The following ZNF709 variants were observed in gnomAD, a reference collection of about 807,000 sequenced individuals.
ZNF709 encodes the protein zinc finger protein 709.
Under a neutral mutation model 10.6 loss-of-function variants are expected in ZNF709, and 15 were observed. That is an observed-to-expected ratio of 1.41 (90% CI 0.95 to 2.18). The LOEUF is 2.18. ZNF709 is among the 30% of genes most tolerant of loss of function. The pLI is 0.00. For missense variants in ZNF709, 589 were observed against 774.0 expected (o/e 0.76, Z 2.84); for synonymous variants, 194 against 238.8 (o/e 0.81, Z 1.73).
intron 1 of ZNF709, 118 bp downstream of exon 1, chr19:12,484,537 C>T (rs1308047612): frequency 1.4e-6 from 2 of 1,415,262 alleles, no homozygotes; most frequent in Non-Finnish European, 2.0e-6. Context: ...CAGGAGGACT[C>T]GGGTCCACAG....
chr19:12,468,200 T>C (rs965389583), intron 1 of ZNF709, among the ~76,000 whole-genome samples: 4 of 152,160 alleles, frequency 2.6e-5, no homozygotes, highest in East Asian at 1.9e-4. Context: ...GTGTACCCAA[T>C]AGCTCATTGA....
At chr19:12,476,215 G>A (rs542001685) in intron 1 of ZNF709, among the ~76,000 whole-genome samples, 24 of 151,998 alleles carry the variant, frequency 1.6e-4, no homozygotes, top group Non-Finnish European at 2.1e-4. Context: ...AACTAAGTAG[G>A]ACCCCATCTC....
chr19:12,483,539 A>AT (rs1568250311), intron 1 of ZNF709, among the ~76,000 whole-genome samples: 1 of 151,170 alleles, frequency 6.6e-6, no homozygotes, highest in Admixed American at 6.6e-5. Flanking sequence ...ATTTTATTTT[A>AT]TTTTTTTATT....
At position 12,463,006 on chromosome 19, in the gene ZNF709, T is replaced by A. The variant is rs910499415; in HGVS notation, c.*990A>T. Reference sequence around the variant, plus strand: ...GAGATCCATTTTAAGAATCAGTAACTGATAATATGTTTTATCACATTTCTG... The same window carrying A: ...GAGATCCATTTTAAGAATCAGTAACAGATAATATGTTTTATCACATTTCTG... On this transcript the variant is annotated 3_prime_UTR_variant, in exon 4 of 4. Coordinates refer to ENST00000397732, the MANE Select transcript of ZNF709 (RefSeq NM_152601.4). 5.3e-5 allele frequency: 8 copies of A among 152,246 alleles called. No individual in the cohort carries two copies. The highest frequency in any genetic ancestry group is 1.9e-4 in the African/African-American group (8 of 41,472). The allele number at this position is 152,246 out of a possible 1,614,324, so 9.4% of individuals were successfully genotyped here.
rs908699568 is a variant in ZNF709 at position 12,463,887 on chromosome 19, A to T, written c.*109T>A. ...GGTTGCAGTGAGCTGAGATCACTCT[A>T]CTGCACTCCAGCCAGGGCAACAGAG... On this transcript the variant is annotated 3_prime_UTR_variant, in exon 4 of 4. Transcript: ENST00000397732. 2.1e-6 allele frequency: 2 copies of T among 959,292 alleles called. No homozygotes were observed. The highest frequency in any genetic ancestry group is 2.9e-6 in the Non-Finnish European group (2 of 693,288). The allele number at this position is 959,292 out of a possible 1,614,324, so 59.4% of individuals were successfully genotyped here.
chr19:12,472,105 T>G (rs1322283049), intron 1 of ZNF709, among the ~76,000 whole-genome samples: 1 of 151,984 alleles, frequency 6.6e-6, no homozygotes, highest in Non-Finnish European at 1.5e-5. Flanking sequence ...AGGAGGATCA[T>G]ATGAACCCAG....
chr19:12,475,257 T>TAA (rs71166684), intron 1 of ZNF709, among the ~76,000 whole-genome samples: 3,748 of 44,602 alleles, frequency 0.084, 410 homozygotes, highest in African/African-American at 0.16. Context: ...GATTCCGTCT[T>TAA]AAAAAAAAAA....
chr19:12,465,761 A>G, intron 3 of ZNF709, 28 bp from the exon 4 acceptor site: 1 of 1,433,052 alleles, frequency 7.0e-7, no homozygotes. Flanking sequence ...AACAAAACGC[A>G]CAATTAGTGG....
intron 1 of ZNF709, among the ~76,000 whole-genome samples, chr19:12,470,831 G>A (rs1970628624): frequency 6.6e-6 from 1 of 151,744 alleles, no homozygotes; most frequent in Non-Finnish European, 1.5e-5. Flanking sequence ...GGAGGCTGAG[G>A]CAGGAGAATG....
intron 3 of ZNF709, among the ~76,000 whole-genome samples, chr19:12,465,941 CTTT>C (rs67044147): frequency 1.9e-4 from 26 of 136,278 alleles, no homozygotes; most frequent in Admixed American, 3.7e-4. Flanking sequence ...GAGTTTATTT[CTTT>C]TTTTTTTTTT....
Position 12,470,040 on chromosome 19 carries a change from G to A in ZNF709, c.4-3190C>T, listed in dbSNP as rs551111853. 3.3e-5 allele frequency among the ~76,000 whole-genome samples: 5 copies of A among 152,240 alleles called. No individual in the cohort carries two copies. In the East Asian group the frequency reaches 9.6e-4, roughly 29 times the overall value. On this transcript the variant is annotated intron_variant, in intron 1 of 3. Coordinates refer to ENST00000397732, the MANE Select transcript of ZNF709 (RefSeq NM_152601.4). ...GTTCAGCAGTGCTGTCCTCCAAAAG[G>A]ATATGAAATTCCCTTTCTCCAATTT...
In ZNF709 at chr19:12,463,660, G is replaced by T; in HGVS notation, c.*336C>A. ...AAGGAAATGGGGGCCGGGTGTGGTG[G>T]CTCACACCTGTAATCCAACACTTTG... On this transcript the variant is annotated 3_prime_UTR_variant, in exon 4 of 4. Transcript: ENST00000397732. The T allele has an allele frequency of 5.3e-6, 1 of 187,416 alleles. No individual in the cohort carries two copies. Among genetic ancestry groups the T allele is most frequent in the Non-Finnish European group, 1.1e-5 (1 of 91,716 alleles). The allele number at this position is 187,416 out of a possible 1,614,324, so 11.6% of individuals were successfully genotyped here.
chr19:12,472,521 CAAAAAAAAAAA>C (rs34678727), intron 1 of ZNF709, among the ~76,000 whole-genome samples: 1 of 84,694 alleles, frequency 1.2e-5, no homozygotes, highest in African/African-American at 5.1e-5. Context: ...GACTCCATCT[CAAAAAAAAAAA>C]AAAAAAAGGA....
chr19:12,483,544 T>A (rs1162252521), intron 1 of ZNF709, among the ~76,000 whole-genome samples: 1 of 151,978 alleles, frequency 6.6e-6, no homozygotes, highest in African/African-American at 2.4e-5. Flanking sequence ...ATTTTATTTT[T>A]TTATTTTTTT....
chr19:12,473,801 G>C (rs539015045), intron 1 of ZNF709, among the ~76,000 whole-genome samples: 1 of 152,288 alleles, frequency 6.6e-6, no homozygotes, highest in East Asian at 1.9e-4. Context: ...CCAGCACTTT[G>C]GGAGGCCAAG....
chr19:12,482,184 C>CAT (rs59249143), intron 1 of ZNF709, among the ~76,000 whole-genome samples: 4 of 150,716 alleles, frequency 2.7e-5, no homozygotes, highest in Non-Finnish European at 4.4e-5. Context: ...CACACACACA[C>CAT]GCTCCCTCTC....
In ZNF709 at chr19:12,466,527, G is replaced by T. The variant is rs1970572470; in HGVS notation, c.131-8C>A. 1 of 1,613,736 alleles carries T rather than the reference G, an allele frequency of 6.2e-7. No homozygotes were observed. Among genetic ancestry groups the T allele is most frequent in the Non-Finnish European group, 8.5e-7 (1 of 1,179,928 alleles). ...TCTCCTCCCAGTTTTCCCCTAAAAT[G>T]CAGGCCCAGAAAAATCATTAAACCT... On this transcript the variant is annotated splice_polypyrimidine_tract_variant and splice_region_variant and intron_variant, in intron 2 of 3. Coordinates refer to ENST00000397732, the MANE Select transcript of ZNF709 (RefSeq NM_152601.4).
intron 1 of ZNF709, among the ~76,000 whole-genome samples, chr19:12,467,692 T>C (rs1170751951): frequency 6.6e-6 from 1 of 150,892 alleles, no homozygotes; most frequent in Non-Finnish European, 1.5e-5. Flanking sequence ...ATCTAGGAAG[T>C]GAGGAGCGTC....
intron 1 of ZNF709, among the ~76,000 whole-genome samples, chr19:12,475,127 G>A (rs1970664941): frequency 6.6e-6 from 1 of 151,572 alleles, no homozygotes; most frequent in Non-Finnish European, 1.5e-5. Flanking sequence ...GCATGGTGGT[G>A]GGCACCTGTA....
Sources: allele counts gnomAD v4.1 joint callset (sites outside exome capture counted in the v4.1 genomes callset), GRCh38; gene constraint gnomAD v4.1.1; transcripts MANE v1.5; gene names NCBI Gene and HGNC (gene_info 2026-07-23, HGNC 2026-07-21).